The following ZNF710 variants were observed in gnomAD, a reference collection of about 807,000 sequenced individuals.
ZNF710 encodes zinc finger protein 710.
Under a neutral mutation model 50.6 loss-of-function variants are expected in ZNF710, and 13 were observed. That is an observed-to-expected ratio of 0.26 (90% CI 0.17 to 0.41). ZNF710 has a LOEUF of 0.41. Ranked by LOEUF, ZNF710 falls within the 10% of genes least tolerant of loss-of-function variation. The pLI, the probability that ZNF710 is intolerant of heterozygous loss-of-function variation, is 1.00. For missense variants in ZNF710, 721 were observed against 936.6 expected (o/e 0.77, Z 3.01); for synonymous variants, 383 against 397.0 (o/e 0.96, Z 0.42).
At chr15:90,018,170 C>CT (rs5814406) in intron 1 of ZNF710, among the ~76,000 whole-genome samples, 2,785 of 128,360 alleles carry the variant, frequency 0.022, 97 homozygotes, top group African/African-American at 0.07. Flanking sequence ...TTTCTTTTTT[C>CT]TTTTTTTTTT....
intron 1 of ZNF710, among the ~76,000 whole-genome samples, chr15:90,011,226 G>A (rs937691116): frequency 2.3e-4 from 35 of 152,078 alleles, no homozygotes; most frequent in African/African-American, 2.7e-4. Context: ...CACTGCGCCC[G>A]GCCTAGCCTC....
chr15:90,053,808 C>A (rs922746725), intron 1 of ZNF710, among the ~76,000 whole-genome samples: 13 of 152,240 alleles, frequency 8.5e-5, no homozygotes, highest in South Asian at 8.3e-4. Context: ...AGGGAGCCCC[C>A]CCAACACACA....
At chr15:90,024,683 A>G (rs1011307070) in intron 1 of ZNF710, among the ~76,000 whole-genome samples, 2 of 152,046 alleles carry the variant, frequency 1.3e-5, no homozygotes, top group African/African-American at 4.8e-5. Flanking sequence ...ATACTTTATC[A>G]TCTCTGCTGC....
At position 90,045,254 on chromosome 15, in the gene ZNF710, C is replaced by A. The variant is rs148052559; in HGVS notation, c.-28-21856C>A. 2.2e-5 allele frequency: 18 copies of A among 835,090 alleles called. No homozygotes were observed. In the East Asian group the frequency reaches 2.2e-3, roughly 104 times the overall value. 51.7% of individuals were successfully genotyped at this position (835,090 alleles called of 1,614,324 possible). On this transcript the variant is annotated intron_variant, in intron 1 of 4. Coordinates refer to ENST00000268154, the MANE Select transcript of ZNF710 (RefSeq NM_198526.4). ...TGTCCATGTTTGCCAGGCAGAAAAG[C>A]CTTGCAAAACCTCAGTCACTCTACA...
chr15:90,023,774 G>A (rs1004975122), intron 1 of ZNF710, among the ~76,000 whole-genome samples: 2 of 152,146 alleles, frequency 1.3e-5, no homozygotes, highest in Non-Finnish European at 2.9e-5. Flanking sequence ...AAGGCAGGTG[G>A]ATCATTGAGC....
intron 1 of ZNF710, among the ~76,000 whole-genome samples, chr15:90,058,416 A>G (rs1374889528): frequency 6.6e-6 from 1 of 152,188 alleles, no homozygotes; most frequent in East Asian, 1.9e-4. Context: ...TGAGGTGCTC[A>G]GAGAAGAGCA....
chr15:90,074,098 C>G lies in ZNF710; in HGVS notation c.1651-18C>G, dbSNP rs778311358. 1 of 1,600,762 alleles carries G rather than the reference C, an allele frequency of 6.2e-7. No homozygotes were observed. Among genetic ancestry groups the G allele is most frequent in the African/African-American group, 1.3e-5 (1 of 74,104 alleles). ...CAGGTTCCCCACAGGCTCAGGACAC[C>G]GGGTTGATGTGTTCTAGGTGTGCGG... On this transcript the variant is annotated intron_variant, in intron 3 of 4. Transcript: ENST00000268154.
At chr15:90,041,051 T>C (rs1899281005) in intron 1 of ZNF710, among the ~76,000 whole-genome samples, 1 of 152,248 alleles carries the variant, frequency 6.6e-6, no homozygotes, top group Non-Finnish European at 1.5e-5. Flanking sequence ...GCGTTACTTT[T>C]CTCTGTGCTT....
chr15:90,068,727 G>A lies in ZNF710; in HGVS notation c.1458+132G>A, dbSNP rs1388418328. The stretch of plus-strand genomic sequence containing the variant: ...TATCGTTACGTACTTATTTTGATGA[G>A]TATTAGAAATCAATTAGTATTAGAA... On this transcript the variant is annotated intron_variant, in intron 2 of 4. Transcript: ENST00000268154. The surrounding 1 kb of genome is among the most constrained non-coding windows in gnomAD (Gnocchi z 5.0). 11 of 1,037,592 alleles carry A rather than the reference G, an allele frequency of 1.1e-5. No individual in the cohort carries two copies. The South Asian group carries it at 1.9e-4, about 18-fold the overall frequency. The allele number at this position is 1,037,592 out of a possible 1,614,324, so 64.3% of individuals were successfully genotyped here. A position where few individuals can be genotyped will look rare whatever the true frequency, so the allele number is the denominator to read the frequency against.
At chr15:90,072,094 G>A (rs534732534) in intron 2 of ZNF710, among the ~76,000 whole-genome samples, 28 of 152,210 alleles carry the variant, frequency 1.8e-4, no homozygotes, top group Admixed American at 3.3e-4. Context: ...GTGAGCCACC[G>A]TGCCCAGCCC....
chr15:90,042,591 A>C (rs1899331060), intron 1 of ZNF710, among the ~76,000 whole-genome samples: 1 of 152,176 alleles, frequency 6.6e-6, no homozygotes, highest in African/African-American at 2.4e-5. Context: ...CAGAAGGAAA[A>C]AGGAGCTGCT....
At chr15:90,074,000 C>A (rs4932156) in intron 3 of ZNF710, 116 bp from the exon 4 acceptor site, 275,611 of 794,108 alleles carry the variant, frequency 0.35, 51,930 homozygotes, top group African/African-American at 0.68. Context: ...AAAAAAAAAA[C>A]AAAAAAAAAA....
chr15:89,999,850 C>A (rs1897974021), upstream of ZNF710, among the ~76,000 whole-genome samples: 1 of 151,474 alleles, frequency 6.6e-6, no homozygotes, highest in Non-Finnish European at 1.5e-5. Context: ...CCAGGGAGAG[C>A]AGGGAAGTGT....
intron 1 of ZNF710, among the ~76,000 whole-genome samples, chr15:90,011,258 C>T (rs1175620434): frequency 6.6e-6 from 1 of 152,016 alleles, no homozygotes; most frequent in African/African-American, 2.4e-5. Context: ...GGACTACAGG[C>T]ATGGAACCAC....
intron 1 of ZNF710, among the ~76,000 whole-genome samples, chr15:90,038,407 C>T (rs1899194328): frequency 6.6e-6 from 1 of 152,226 alleles, no homozygotes; most frequent in South Asian, 2.1e-4. Context: ...CTTTATCTCA[C>T]TCTCTTTCAC....
chr15:90,019,277 A>G (rs1898546491), intron 1 of ZNF710, among the ~76,000 whole-genome samples: 1 of 149,556 alleles, frequency 6.7e-6, no homozygotes, highest in Non-Finnish European at 1.5e-5. Flanking sequence ...GTCACTTTAA[A>G]GGGTTGTATA....
chr15:90,071,070 G>A (rs1239929797), intron 2 of ZNF710, among the ~76,000 whole-genome samples: 3 of 152,108 alleles, frequency 2.0e-5, no homozygotes, highest in Non-Finnish European at 2.9e-5. Context: ...AGGCCAACCT[G>A]GCCAACATGG....
At position 90,074,425 on chromosome 15, in the gene ZNF710, G is replaced by T. The variant is rs567153593; in HGVS notation, c.1825+135G>T. 145 of 1,546,026 alleles carry T rather than the reference G, an allele frequency of 9.4e-5. No individual in the cohort carries two copies. The African/African-American group carries it at 1.8e-3, about 19-fold the overall frequency. On this transcript the variant is annotated intron_variant, in intron 4 of 4. Transcript: ENST00000268154. ...GTTGGGGTGGGCTCAGGTCTGGAAG[G>T]GGGGTACCCTGGAAGGCCATGATGA...
chr15:90,029,181 A>G (rs1328239455), intron 1 of ZNF710, among the ~76,000 whole-genome samples: 3 of 152,216 alleles, frequency 2.0e-5, no homozygotes, highest in Admixed American at 2.0e-4. Context: ...TGGGTGTGGA[A>G]TGAGTGCCCA....
Sources: gnomAD v4.1 joint callset for allele counts (sites outside exome capture counted in the v4.1 genomes callset) on GRCh38, gnomAD v4.1.1 for gene constraint, Gnocchi (gnomAD v3.1) non-coding constraint, MANE v1.5 for transcripts, NCBI Gene and HGNC (gene_info 2026-07-23, HGNC 2026-07-21) for gene names.